PCDHA12: variants seen among roughly 807,000 people sequenced by gnomAD.
The protein encoded by PCDHA12 is protocadherin alpha-12.
PCDHA12 carries 44 observed loss-of-function variants against 60.0 expected under a neutral mutation model. The observed-to-expected ratio is 0.73, with a 90% CI of 0.58 to 0.94. The LOEUF (loss-of-function observed/expected upper bound fraction) is 0.94. Among genes scored for constraint, PCDHA12 ranks in the 40% least tolerant of loss-of-function variants. PCDHA12 has a pLI of 0.00. For synonymous variants in PCDHA12, 569 were observed against 553.0 expected (o/e 1.03, Z -0.40); for missense variants, 1,276 against 1,239.7 (o/e 1.03, Z -0.44).
At chr5:140,996,190 C>T (rs2097716017) in intron 3 of PCDHA12, among the ~76,000 whole-genome samples, 1 of 152,200 alleles carries the variant, frequency 6.6e-6, no homozygotes, top group African/African-American at 2.4e-5. Flanking sequence ...CCATTTTATA[C>T]CCTCAATGCA....
At chr5:140,904,957 A>G (rs2071509370) in intron 1 of PCDHA12, among the ~76,000 whole-genome samples, 1 of 152,156 alleles carries the variant, frequency 6.6e-6, no homozygotes, top group African/African-American at 2.4e-5. Flanking sequence ...TGTCTGATGC[A>G]GAATTTGTGA....
chr5:140,906,744 A>G (rs2072897297), intron 1 of PCDHA12, among the ~76,000 whole-genome samples: 1 of 152,210 alleles, frequency 6.6e-6, no homozygotes, highest in Admixed American at 6.5e-5. Context: ...CCATTGACAC[A>G]GGGCATGGTA....
chr5:140,963,600 G>T (rs111244023), intron 1 of PCDHA12, among the ~76,000 whole-genome samples: 1 of 152,180 alleles, frequency 6.6e-6, no homozygotes, highest in Non-Finnish European at 1.5e-5. Context: ...AGTTCTAGAC[G>T]TAATTGGGAA....
intron 1 of PCDHA12, among the ~76,000 whole-genome samples, chr5:140,975,318 C>T (rs1554236746): frequency 6.6e-6 from 1 of 152,198 alleles, no homozygotes; most frequent in Admixed American, 6.5e-5. Flanking sequence ...TTATGTCAGT[C>T]CCATCCAGAT....
chr5:140,982,487 A>G lies in PCDHA12; in HGVS notation c.2439A>G (p.Leu813=), dbSNP rs1417892860. 3 of 1,614,078 alleles carry G rather than the reference A, an allele frequency of 1.9e-6. No homozygotes were observed. Among genetic ancestry groups the G allele is most frequent in the Non-Finnish European group, 2.5e-6 (3 of 1,180,034 alleles). Residue 813 remains leucine (L), a synonymous_variant, in exon 3 of 4, where the codon CTA becomes CTG. Coordinates refer to ENST00000398631, the MANE Select transcript of PCDHA12 (RefSeq NM_018903.4). ...TGTGTTTATTCAGCTCTGTGCACCTAGAGGAGGCTGGCATTCTACGGGCTG... is the reference window on the plus strand; with the variant it reads ...TGTGTTTATTCAGCTCTGTGCACCTGGAGGAGGCTGGCATTCTACGGGCTG... The part of the protein sequence containing the change: ...LRAGMHSSVH[L]EEAGILRAGP...
chr5:140,940,265 C>T (rs782351194), intron 1 of PCDHA12, among the ~76,000 whole-genome samples: 1 of 152,116 alleles, frequency 6.6e-6, no homozygotes, highest in Non-Finnish European at 1.5e-5. Flanking sequence ...CTTCTGGGTT[C>T]CACTGTTGTC....
At chr5:140,878,585 C>T (rs2057657468) in intron 1 of PCDHA12, among the ~76,000 whole-genome samples, 1 of 152,152 alleles carries the variant, frequency 6.6e-6, no homozygotes, top group African/African-American at 2.4e-5. Flanking sequence ...CTGCCCTGTG[C>T]CTATTACCAA....
intron 1 of PCDHA12, among the ~76,000 whole-genome samples, chr5:140,935,894 CTTTTTTTT>C (rs55841305): frequency 1.5e-5 from 2 of 136,750 alleles, no homozygotes; most frequent in African/African-American, 5.4e-5. Context: ...TCAATATTAT[CTTTTTTTT>C]TTTTTTTTGA....
At chr5:141,002,583 C>T (rs781898349) in intron 3 of PCDHA12, among the ~76,000 whole-genome samples, 6 of 152,176 alleles carry the variant, frequency 3.9e-5, no homozygotes, top group Non-Finnish European at 7.3e-5. Context: ...GACCATTAGT[C>T]CTTAGTCCCC....
chr5:140,999,747 C>T (rs2097874058), intron 3 of PCDHA12, among the ~76,000 whole-genome samples: 1 of 152,008 alleles, frequency 6.6e-6, no homozygotes, highest in East Asian at 1.9e-4. Flanking sequence ...AATCTGGGTT[C>T]GCAGCACATG....
chr5:140,970,894 C>T (rs1302694264), intron 1 of PCDHA12, among the ~76,000 whole-genome samples: 1 of 152,090 alleles, frequency 6.6e-6, no homozygotes, highest in Non-Finnish European at 1.5e-5. Context: ...ATGGACATTT[C>T]AGATAGATTT....
intron 1 of PCDHA12, among the ~76,000 whole-genome samples, chr5:140,941,737 T>A (rs1221306435): frequency 3.9e-5 from 6 of 152,234 alleles, no homozygotes; most frequent in Admixed American, 2.0e-4. Context: ...TTCCCCATTA[T>A]CTTATCAGAT....
chr5:140,953,316 T>G (rs782746401), intron 1 of PCDHA12, among the ~76,000 whole-genome samples: 3 of 152,138 alleles, frequency 2.0e-5, no homozygotes, highest in Non-Finnish European at 2.9e-5. Flanking sequence ...TGGGAAGAAT[T>G]TGATCATAGA....
chr5:140,884,628 G>A (rs2153405760), intron 1 of PCDHA12: 3 of 1,612,722 alleles, frequency 1.9e-6, no homozygotes, highest in Non-Finnish European at 2.5e-6. Context: ...GAGGGAACAG[G>A]CCAGAGGGAG....
rs1554262683 is a variant in PCDHA12 at position 141,010,108 on chromosome 5, G to A, written c.*171G>A. 23 of 1,611,296 alleles carry A rather than the reference G, an allele frequency of 1.4e-5. No homozygotes were observed. Among genetic ancestry groups the A allele is most frequent in the East Asian group, 4.5e-5 (2 of 44,852 alleles). On this transcript the variant is annotated 3_prime_UTR_variant, in exon 4 of 4. Transcript: ENST00000398631. ...TAGAACGCATTTAACAGGTTTTGTC[G>A]TAAAAGCTTTACTAAGTCTGGTGTT...
chr5:140,995,265 G>A (rs1293855932), intron 3 of PCDHA12, among the ~76,000 whole-genome samples: 1 of 152,102 alleles, frequency 6.6e-6, no homozygotes, highest in African/African-American at 2.4e-5. Context: ...TTGAATACAA[G>A]CCCTTTGATA....
At chr5:140,947,140 A>G (rs2094093806) in intron 1 of PCDHA12, among the ~76,000 whole-genome samples, 1 of 151,464 alleles carries the variant, frequency 6.6e-6, no homozygotes, top group Admixed American at 6.6e-5. Context: ...AGTAAAATGT[A>G]TAGTTACTTC....
At chr5:140,902,504 C>G (rs2069506794) in intron 1 of PCDHA12, among the ~76,000 whole-genome samples, 1 of 151,984 alleles carries the variant, frequency 6.6e-6, no homozygotes, top group African/African-American at 2.4e-5. Context: ...AGCTGTGAGT[C>G]TGTCATATAT....
intron 3 of PCDHA12, among the ~76,000 whole-genome samples, chr5:140,985,001 G>A (rs1554246727): frequency 1.3e-5 from 2 of 151,944 alleles, no homozygotes; most frequent in South Asian, 2.1e-4. Flanking sequence ...CCAGTGGCAC[G>A]ATATCGGCTC....
Sources: allele counts gnomAD v4.1 joint callset (sites outside exome capture counted in the v4.1 genomes callset), GRCh38; gene constraint gnomAD v4.1.1; transcripts MANE v1.5; gene names NCBI Gene and HGNC (gene_info 2026-07-23, HGNC 2026-07-21).